The following LRRC4C variants were observed in gnomAD, a reference collection of about 807,000 sequenced individuals.
LRRC4C encodes the protein leucine rich repeat containing 4C.
Under a neutral mutation model 33.6 loss-of-function variants are expected in LRRC4C, and 5 were observed. The ratio of observed to expected loss-of-function variants is 0.15; its 90% CI spans 0.08 to 0.31. The LOEUF (loss-of-function observed/expected upper bound fraction) is 0.31, where lower values mean the gene tolerates loss of function less well. Ranked by LOEUF, LRRC4C falls within the 10% of genes least tolerant of loss-of-function variation. LRRC4C has a pLI of 1.00. For missense variants in LRRC4C, 560 were observed against 796.7 expected (o/e 0.70, Z 3.58); for synonymous variants, 329 against 302.0 (o/e 1.09, Z -0.93).
At chr11:40,182,995 C>T (rs1325156051) in intron 5 of LRRC4C, among the ~76,000 whole-genome samples, 2 of 152,170 alleles carry the variant, frequency 1.3e-5, no homozygotes, top group African/African-American at 4.8e-5. Context: ...GTAGATGGCA[C>T]AGCAGATATG....
In LRRC4C at chr11:40,390,221, A is replaced by T. The variant is rs530230545; in HGVS notation, c.-269-70500T>A. Among the ~76,000 whole-genome samples the T allele has an allele frequency of 3.3e-5, 5 of 152,322 alleles. No individual in the cohort carries two copies. In the East Asian group the frequency reaches 9.7e-4, roughly 29 times the overall value. On this transcript the variant is annotated intron_variant, in intron 3 of 6. Coordinates refer to ENST00000528697, the MANE Select transcript of LRRC4C (RefSeq NM_001258419.2). Reference sequence around the variant, plus strand: ...TAGTATGGCTGGCATTAATTTAGACATCACACTTCTGTCGGTGTTTAGCTG... The same window carrying T: ...TAGTATGGCTGGCATTAATTTAGACTTCACACTTCTGTCGGTGTTTAGCTG...
chr11:40,291,907 C>A (rs1262113174), intron 4 of LRRC4C, among the ~76,000 whole-genome samples: 2 of 151,536 alleles, frequency 1.3e-5, no homozygotes, highest in Non-Finnish European at 2.9e-5. Flanking sequence ...TGGCACCCGA[C>A]ACTGCAGCGG....
chr11:40,651,359 G>T (rs1482288152), intron 2 of LRRC4C, among the ~76,000 whole-genome samples: 1 of 152,004 alleles, frequency 6.6e-6, no homozygotes, highest in Non-Finnish European at 1.5e-5. Flanking sequence ...GGGGGTGGGG[G>T]AGAGGAGAGA....
At chr11:41,397,094 C>A (rs933555245) in intron 1 of LRRC4C, among the ~76,000 whole-genome samples, 1 of 151,946 alleles carries the variant, frequency 6.6e-6, no homozygotes, top group African/African-American at 2.4e-5. Flanking sequence ...AGGTCAGATG[C>A]AAACCCACGC....
intron 2 of LRRC4C, among the ~76,000 whole-genome samples, chr11:40,837,682 A>G (rs1184077234): frequency 6.6e-6 from 1 of 150,920 alleles, no homozygotes; most frequent in Non-Finnish European, 1.5e-5. Context: ...TCTTCAAAAA[A>G]AAAAAAAAAA....
At chr11:40,186,692 C>A (rs1193693360) in intron 5 of LRRC4C, among the ~76,000 whole-genome samples, 2 of 152,152 alleles carry the variant, frequency 1.3e-5, no homozygotes, top group Non-Finnish European at 2.9e-5. Context: ...TCGGGCTCAG[C>A]ATAAGTTTAC....
At chr11:41,209,468 C>T (rs1946732516) in intron 1 of LRRC4C, among the ~76,000 whole-genome samples, 1 of 151,368 alleles carries the variant, frequency 6.6e-6, no homozygotes, top group African/African-American at 2.4e-5. Flanking sequence ...TACCTCAGGT[C>T]TAATATATAT....
intron 1 of LRRC4C, among the ~76,000 whole-genome samples, chr11:41,258,017 A>G (rs558240962): frequency 6.6e-6 from 1 of 152,108 alleles, no homozygotes; most frequent in South Asian, 2.1e-4. Flanking sequence ...CTCATGAGCT[A>G]GGTAACGATA....
chr11:40,875,701 C>A (rs1209162316), intron 2 of LRRC4C, among the ~76,000 whole-genome samples: 5 of 152,126 alleles, frequency 3.3e-5, no homozygotes, highest in Non-Finnish European at 7.4e-5. Context: ...TCAGCAGTCC[C>A]AAACCTTTTT....
chr11:41,041,182 T>C (rs957578999), intron 1 of LRRC4C, among the ~76,000 whole-genome samples: 11 of 152,180 alleles, frequency 7.2e-5, no homozygotes, highest in Non-Finnish European at 1.6e-4. Context: ...AGCAGCTTCT[T>C]CCACAACTGC....
At chr11:40,367,060 T>A (rs904870079) in intron 3 of LRRC4C, among the ~76,000 whole-genome samples, 25 of 152,240 alleles carry the variant, frequency 1.6e-4, no homozygotes, top group African/African-American at 5.8e-4. Context: ...AGATGTGAAC[T>A]TGATAAATAT....
chr11:40,180,993 A>G (rs888865557), intron 5 of LRRC4C, among the ~76,000 whole-genome samples: 2 of 152,176 alleles, frequency 1.3e-5, no homozygotes, highest in African/African-American at 4.8e-5. Flanking sequence ...TCTAATAGAG[A>G]CAGTAGTCTT....
chr11:40,546,053 C>T (rs1956899993), intron 3 of LRRC4C, among the ~76,000 whole-genome samples: 1 of 150,722 alleles, frequency 6.6e-6, no homozygotes, highest in South Asian at 2.1e-4. Context: ...TTTATTTCTC[C>T]AAGTCTTCCT....
intron 1 of LRRC4C, among the ~76,000 whole-genome samples, chr11:41,286,232 T>C (rs1591161421): frequency 6.6e-6 from 1 of 152,194 alleles, no homozygotes; most frequent in African/African-American, 2.4e-5. Flanking sequence ...CACTTCACTC[T>C]CTCTCTTTTA....
chr11:41,327,946 T>C (rs2137338067), intron 1 of LRRC4C, among the ~76,000 whole-genome samples: 1 of 152,260 alleles, frequency 6.6e-6, no homozygotes, highest in East Asian at 1.9e-4. Context: ...CAGTCTCAGG[T>C]ATTTCTTCAT....
intron 1 of LRRC4C, among the ~76,000 whole-genome samples, chr11:41,122,218 G>T (rs1167072613): frequency 6.6e-6 from 1 of 152,060 alleles, no homozygotes; most frequent in Non-Finnish European, 1.5e-5. Context: ...TTCAGCCTTT[G>T]GTCAAGTAAC....
chr11:40,750,566 A>G (rs1232481380), intron 2 of LRRC4C, among the ~76,000 whole-genome samples: 1 of 149,160 alleles, frequency 6.7e-6, no homozygotes, highest in Admixed American at 6.7e-5. Context: ...AAGAAACCAA[A>G]TACCGCATGT....
intron 2 of LRRC4C, among the ~76,000 whole-genome samples, chr11:40,691,368 A>G (rs911039003): frequency 2.0e-5 from 3 of 151,928 alleles, no homozygotes; most frequent in African/African-American, 7.3e-5. Flanking sequence ...CAAGTATCCA[A>G]TTTCCTCTTC....
intron 1 of LRRC4C, among the ~76,000 whole-genome samples, chr11:41,318,650 A>C (rs1294144209): frequency 6.6e-6 from 1 of 152,222 alleles, no homozygotes; most frequent in Non-Finnish European, 1.5e-5. Flanking sequence ...TCCCTTGAAC[A>C]CTAATCATTT....
Sources: allele counts gnomAD v4.1 joint callset (sites outside exome capture counted in the v4.1 genomes callset), GRCh38; gene constraint gnomAD v4.1.1; transcripts MANE v1.5; gene names NCBI Gene and HGNC (gene_info 2026-07-23, HGNC 2026-07-21).